PCDH15: variants seen among roughly 807,000 people sequenced by gnomAD.
PCDH15 encodes the protein protocadherin related 15, also known as protocadherin-15.
PCDH15 carries 129 observed loss-of-function variants against 178.5 expected under a neutral mutation model. That is an observed-to-expected ratio of 0.72 (90% CI 0.63 to 0.84). The LOEUF (loss-of-function observed/expected upper bound fraction) is 0.84. Among genes scored for constraint, PCDH15 ranks in the 40% least tolerant of loss-of-function variants. PCDH15 has a pLI of 0.00. For missense variants in PCDH15, 2,230 were observed against 2,099.9 expected (o/e 1.06, Z -1.21); for synonymous variants, 800 against 732.0 (o/e 1.09, Z -1.50).
chr10:54,806,226 T>C (rs1952775556), upstream of PCDH15, among the ~76,000 whole-genome samples: 1 of 152,200 alleles, frequency 6.6e-6, no homozygotes. Context: ...ACGCTACCTC[T>C]TCACAATTCC....
At chr10:54,052,297 A>T (rs2093793549) in intron 18 of PCDH15, among the ~76,000 whole-genome samples, 1 of 152,218 alleles carries the variant, frequency 6.6e-6, no homozygotes, top group South Asian at 2.1e-4. Context: ...ACTCAATGGC[A>T]GCCCATGAAA....
chr10:53,919,674 G>T (rs1291115886), intron 25 of PCDH15, among the ~76,000 whole-genome samples: 2 of 152,070 alleles, frequency 1.3e-5, no homozygotes, highest in Non-Finnish European at 2.9e-5. Context: ...TTCACTTTAT[G>T]GCCTTAAATT....
Position 53,820,780 on chromosome 10 carries a change from A to G in PCDH15, c.4368-550T>C, listed in dbSNP as rs182935814. On this transcript the variant is annotated intron_variant, in intron 32 of 37. Transcript: ENST00000644397. ...TATCTAGCTTAAGTGATGCTGTTCG[A>G]ATTTAACAATTGGAGCGCTAAGAAC... Among the ~76,000 whole-genome samples the G allele has an allele frequency of 2.0e-3, 302 of 152,158 alleles. 3 individuals are homozygous for G. In the South Asian group the frequency reaches 0.021, roughly 11 times the overall value.
intron 2 of PCDH15, among the ~76,000 whole-genome samples, chr10:55,338,068 T>C (rs1297311891): frequency 6.6e-6 from 1 of 152,142 alleles, no homozygotes; most frequent in Non-Finnish European, 1.5e-5. Flanking sequence ...TCAACATTAA[T>C]AATCATTAGA....
intron 2 of PCDH15, among the ~76,000 whole-genome samples, chr10:54,970,300 A>G (rs1469817761): frequency 6.6e-6 from 1 of 152,208 alleles, no homozygotes; most frequent in African/African-American, 2.4e-5. Context: ...TAATACATAA[A>G]TTGGTACCAA....
At chr10:54,976,149 A>T (rs1243642435) in intron 2 of PCDH15, among the ~76,000 whole-genome samples, 1 of 152,180 alleles carries the variant, frequency 6.6e-6, no homozygotes, top group Non-Finnish European at 1.5e-5. Flanking sequence ...TAATATTGAT[A>T]TTTGAGGAAT....
intron 9 of PCDH15, among the ~76,000 whole-genome samples, chr10:54,221,194 A>G (rs942797534): frequency 5.9e-5 from 9 of 152,190 alleles, no homozygotes; most frequent in Admixed American, 4.6e-4. Context: ...CATTATAATT[A>G]TTAGAGCCAA....
chr10:55,533,816 A>C (rs187012732), intron 2 of PCDH15, among the ~76,000 whole-genome samples: 1 of 152,156 alleles, frequency 6.6e-6, no homozygotes, highest in Non-Finnish European at 1.5e-5. Flanking sequence ...GCACCACACT[A>C]CCCAACTTCA....
Position 54,627,617 on chromosome 10 carries a change from G to A in PCDH15, c.91+36555C>T, listed in dbSNP as rs183314417. The stretch of plus-strand genomic sequence containing the variant: ...TCGTTTGTTAATTGTCCAGTCTTGG[G>A]TATGTCTTTATCAGCAGTGTGAAAA... On this transcript the variant is annotated intron_variant, in intron 2 of 37. Transcript: ENST00000644397. Among the ~76,000 whole-genome samples the A allele has an allele frequency of 4.2e-3, 633 of 152,278 alleles. 9 individuals are homozygous for A. Among genetic ancestry groups the A allele is most frequent in the African/African-American group, 0.015 (613 of 41,548 alleles).
intron 1 of PCDH15, among the ~76,000 whole-genome samples, chr10:54,674,021 A>G (rs942257982): frequency 1.3e-5 from 2 of 152,114 alleles, no homozygotes; most frequent in African/African-American, 4.8e-5. Context: ...TTCATATGTC[A>G]TATCTTTTCT....
rs139139029 is a variant in PCDH15, at chr10:54,978,074, C to T, written c.-79-80574G>A. On this transcript the variant is annotated intron_variant, in intron 2 of 5. Transcript: ENST00000458638. ...AACCTGAATTAAATTCGAGAAAGCA[C>T]ATCAATCATACATATGAATGTATAT... Among the ~76,000 whole-genome samples, 837 of 152,174 alleles carry T rather than the reference C, an allele frequency of 5.5e-3. 6 individuals are homozygous for T. The highest frequency in any genetic ancestry group is 7.2e-3 in the Non-Finnish European group (491 of 68,002).
At chr10:53,898,907 A>G (rs1413959511) in intron 26 of PCDH15, among the ~76,000 whole-genome samples, 1 of 152,218 alleles carries the variant, frequency 6.6e-6, no homozygotes, top group East Asian at 1.9e-4. Context: ...TAGGAGAAAT[A>G]GCCAACTAAT....
chr10:54,944,309 G>A (rs564462632), intron 2 of PCDH15, among the ~76,000 whole-genome samples: 1 of 152,068 alleles, frequency 6.6e-6, no homozygotes, highest in Admixed American at 6.6e-5. Context: ...GTTCCTATGT[G>A]TCTTGTGGGA....
At chr10:55,085,507 C>T (rs953111878) in intron 2 of PCDH15, among the ~76,000 whole-genome samples, 3 of 151,624 alleles carry the variant, frequency 2.0e-5, no homozygotes, top group African/African-American at 7.3e-5. Context: ...GTTTATAACA[C>T]AAAGAAAGGA....
intron 5 of PCDH15, among the ~76,000 whole-genome samples, chr10:54,349,823 A>G (rs1943895735): frequency 6.6e-6 from 1 of 152,206 alleles, no homozygotes. Flanking sequence ...TATGGTTTCA[A>G]TTTTAAGCTT....
At chr10:54,442,414 C>CTTTATATATATATATATA (rs1491511066) in intron 3 of PCDH15, among the ~76,000 whole-genome samples, 6 of 19,190 alleles carry the variant, frequency 3.1e-4, no homozygotes, top group South Asian at 3.0e-3. Flanking sequence ...GCCTTAAAGG[C>CTTTATATATATATATATA]TATATATATA....
chr10:54,210,585 T>G (rs1368464236), intron 10 of PCDH15, among the ~76,000 whole-genome samples: 1 of 152,032 alleles, frequency 6.6e-6, no homozygotes, highest in Non-Finnish European at 1.5e-5. Context: ...AGTTAAAAAC[T>G]GAAACATCAG....
intron 3 of PCDH15, among the ~76,000 whole-genome samples, chr10:54,472,645 A>G (rs181640852): frequency 3.3e-5 from 5 of 152,302 alleles, no homozygotes; most frequent in Admixed American, 1.3e-4. Flanking sequence ...ATCCAGAAAA[A>G]TTAAAATTAA....
At chr10:54,953,565 T>C (rs868715949) in intron 2 of PCDH15, among the ~76,000 whole-genome samples, 1 of 151,414 alleles carries the variant, frequency 6.6e-6, no homozygotes, top group East Asian at 1.9e-4. Context: ...CCGGTTAGCA[T>C]TATTTTTTTC....
Sources: allele counts gnomAD v4.1 joint callset (sites outside exome capture counted in the v4.1 genomes callset), GRCh38; gene constraint gnomAD v4.1.1; transcripts MANE v1.5; gene names NCBI Gene and HGNC (gene_info 2026-07-23, HGNC 2026-07-21).